The following CISD2 variants were observed in gnomAD, a reference collection of about 807,000 sequenced individuals.
The protein encoded by CISD2 is CDGSH iron sulfur domain 2, also known as CDGSH iron-sulfur domain-containing protein 2.
Under a neutral mutation model 12.9 loss-of-function variants are expected in CISD2, and 1 was observed. That is an observed-to-expected ratio of 0.08 (90% CI 0.03 to 0.37). The LOEUF (loss-of-function observed/expected upper bound fraction) is 0.37. Among genes scored for constraint, CISD2 ranks in the 10% least tolerant of loss-of-function variants. The pLI, the probability that CISD2 is intolerant of heterozygous loss-of-function variation, is 0.99. For missense variants in CISD2, 97 were observed against 163.1 expected (o/e 0.59, Z 2.21); for synonymous variants, 50 against 60.6 (o/e 0.83, Z 0.81).
intron 1 of CISD2, among the ~76,000 whole-genome samples, chr4:102,883,476 T>C (rs1733776503): frequency 6.6e-6 from 1 of 152,224 alleles, no homozygotes; most frequent in Non-Finnish European, 1.5e-5. Flanking sequence ...CATGTGGCCC[T>C]GCATTGCATA....
At position 102,891,058 on chromosome 4, in the gene CISD2, G is replaced by A. The variant is rs2110409586; in HGVS notation, c.*3628G>A. On this transcript the variant is annotated 3_prime_UTR_variant, in exon 3 of 3. Transcript: ENST00000273986. ...AAGTATGAAATCATTGATAGATCCA[G>A]AACAAGGAAATGATGTATGTGTTTA... The A allele has an allele frequency of 6.6e-6, 1 of 151,066 alleles. No individual in the cohort carries two copies. Among genetic ancestry groups the A allele is most frequent in the Non-Finnish European group, 1.5e-5 (1 of 67,986 alleles). The allele number at this position is 151,066 out of a possible 1,614,324, so 9.4% of individuals were successfully genotyped here.
rs1733852380 is a variant in CISD2 at position 102,885,316 on chromosome 4, T to C, written c.204T>C (p.Asp68=). 6.2e-7 allele frequency: 1 copy of C among 1,614,072 alleles called. No homozygotes were observed. The highest frequency in any genetic ancestry group is 8.5e-7 in the Non-Finnish European group (1 of 1,179,926). The change falls in exon 2 of 3, where the codon GAT becomes GAC. Residue 68 remains aspartate, a synonymous_variant. Coordinates refer to ENST00000273986, the MANE Select transcript of CISD2 (RefSeq NM_001008388.5). ...TCCCGAAGAAGAAACAACAGAAGGA[T>C]AGCTTGATTAATCTTAAAATACAAA... is the stretch of plus-strand genomic sequence containing the variant. ...PFLPKKKQQK[D]SLINLKIQKE... is the part of the protein sequence containing the mutation.
At chr4:102,873,353 C>A (rs1733510365) in intron 1 of CISD2, among the ~76,000 whole-genome samples, 1 of 152,062 alleles carries the variant, frequency 6.6e-6, no homozygotes, top group African/African-American at 2.4e-5. Context: ...CTCATTGCAG[C>A]CTTGACTTCA....
chr4:102,882,018 C>T (rs1375780498), intron 1 of CISD2, among the ~76,000 whole-genome samples: 1 of 151,954 alleles, frequency 6.6e-6, no homozygotes, highest in African/African-American at 2.4e-5. Flanking sequence ...ATGGTGAAAC[C>T]CCATCTCTAC....
rs1272453799 is a variant in CISD2, at chr4:102,889,098, T to G, written c.*1668T>G. On this transcript the variant is annotated 3_prime_UTR_variant, in exon 3 of 3. Transcript: ENST00000273986. ...TACATGTAATGTCAGTAGGTTCAAT[T>G]ATATGATCGTAACATCTTCATGACC... The G allele has an allele frequency of 6.6e-6, 1 of 152,232 alleles. No homozygotes were observed. 9.4% of individuals were successfully genotyped at this position (152,232 alleles called of 1,614,324 possible). A position where few individuals can be genotyped will look rare whatever the true frequency, so the allele number is the denominator to read the frequency against.
chr4:102,870,797 C>A (rs1049119979), intron 1 of CISD2, among the ~76,000 whole-genome samples: 4 of 152,058 alleles, frequency 2.6e-5, no homozygotes, highest in African/African-American at 9.7e-5. Context: ...CTCATTTTTT[C>A]CCTAACAACT....
At chr4:102,882,637 G>GTAGC (rs1733752422) in intron 1 of CISD2, 1 of 152,270 alleles carries the variant, frequency 6.6e-6, no homozygotes, top group Non-Finnish European at 1.5e-5. Flanking sequence ...GTAGTCACAT[G>GTAGC]TAGCTAGCTA....
At chr4:102,879,946 T>G (rs761814198) in intron 1 of CISD2, among the ~76,000 whole-genome samples, 1 of 152,098 alleles carries the variant, frequency 6.6e-6, no homozygotes, top group Non-Finnish European at 1.5e-5. Context: ...ATTTTTTATT[T>G]TTTTTATTTT....
intron 1 of CISD2, among the ~76,000 whole-genome samples, chr4:102,869,946 G>A (rs549373661): frequency 6.6e-6 from 1 of 152,302 alleles, no homozygotes; most frequent in South Asian, 2.1e-4. Context: ...TCTAAAGGAT[G>A]AAAATCTCCA....
chr4:102,872,193 T>G (rs1379251328), intron 1 of CISD2, among the ~76,000 whole-genome samples: 1 of 152,128 alleles, frequency 6.6e-6, no homozygotes, highest in Non-Finnish European at 1.5e-5. Flanking sequence ...CTCAGCCTCC[T>G]AAGTAGCCGG....
intron 1 of CISD2, 142 bp downstream of exon 1, chr4:102,869,329 C>T (rs1733356143): frequency 1.7e-6 from 2 of 1,154,050 alleles, no homozygotes; most frequent in Non-Finnish European, 2.5e-6. Context: ...GGTGGGCGCG[C>T]GCCGACGCAG....
At chr4:102,879,508 T>A (rs1445621351) in intron 1 of CISD2, among the ~76,000 whole-genome samples, 2 of 152,216 alleles carry the variant, frequency 1.3e-5, no homozygotes, top group South Asian at 4.1e-4. Flanking sequence ...CTTGGCCAGG[T>A]GCGGTGGCTA....
At chr4:102,883,151 C>A (rs994220657) in intron 1 of CISD2, among the ~76,000 whole-genome samples, 2 of 152,198 alleles carry the variant, frequency 1.3e-5, no homozygotes, top group Admixed American at 1.3e-4. Flanking sequence ...TACTAAATAA[C>A]TTGCCTGTGA....
chr4:102,889,004 CTA>C lies in CISD2; in HGVS notation c.*1575_*1576del, dbSNP rs1425395471. ...AGAGGTAATCCTTCTAGAAATAAAACTAATTGTTATTGGGCACTTGTATGTAC... is the reference window on the plus strand; with the variant it reads ...AGAGGTAATCCTTCTAGAAATAAAACATTGTTATTGGGCACTTGTATGTAC... On this transcript the variant is annotated 3_prime_UTR_variant, in exon 3 of 3. Transcript: ENST00000273986. 6.6e-6 allele frequency: 1 copy of C among 152,170 alleles called. No individual in the cohort carries two copies. The highest frequency in any genetic ancestry group is 1.5e-5 in the Non-Finnish European group (1 of 68,038). 9.4% of individuals were successfully genotyped at this position (152,170 alleles called of 1,614,324 possible). A position where few individuals can be genotyped will look rare whatever the true frequency, so the allele number is the denominator to read the frequency against.
In CISD2 at chr4:102,885,272, C is replaced by G; in HGVS notation, c.160C>G (p.Leu54Val). 1 of 1,614,120 alleles carries G rather than the reference C, an allele frequency of 6.2e-7. No individual in the cohort carries two copies. Among genetic ancestry groups the G allele is most frequent in the Non-Finnish European group, 8.5e-7 (1 of 1,179,998 alleles). ...FLGVLALLGY[L>V]AVRPFLPKKK... ...TGGTGTACTCGCACTTCTTGGCTAC[C>G]TTGCAGTTCGTCCATTCCTCCCGAA... The change falls in exon 2 of 3, where the codon CTT becomes GTT. Residue 54 changes from leucine (L) to valine (V), a missense_variant. Physicochemically the swap from Leu to Val is conservative, Grantham distance 32. This residue lies in a region of CISD2 where 89 missense variants were observed against 114.4 expected (regional missense o/e 0.78). Transcript: ENST00000273986.
At chr4:102,886,675 G>T (rs142155016) in intron 2 of CISD2, among the ~76,000 whole-genome samples, 1 of 152,158 alleles carries the variant, frequency 6.6e-6, no homozygotes, top group East Asian at 1.9e-4. Flanking sequence ...AAGTGTGATG[G>T]CATGATCTCA....
chr4:102,870,315 TTTAAA>T (rs1450789312), intron 1 of CISD2, among the ~76,000 whole-genome samples: 2 of 152,190 alleles, frequency 1.3e-5, no homozygotes, highest in African/African-American at 4.8e-5. Flanking sequence ...AAGATTTTTT[TTTAAA>T]TTAAAGAATG....
At position 102,885,552 on chromosome 4, in the gene CISD2, G is replaced by T. The variant is rs1008950028; in HGVS notation, c.318+122G>T. On this transcript the variant is annotated intron_variant, in intron 2 of 2. Coordinates refer to ENST00000273986, the MANE Select transcript of CISD2 (RefSeq NM_001008388.5). ...TTTTCTGTAATATTTGGTATTGAAA[G>T]ACCATATTCCTAAATTGAAGTTTTC... 20 of 771,464 alleles carry T rather than the reference G, an allele frequency of 2.6e-5. No homozygotes were observed. In the Middle Eastern group the frequency reaches 1.1e-3, roughly 41 times the overall value. 47.8% of individuals were successfully genotyped at this position (771,464 alleles called of 1,614,324 possible).
intron 1 of CISD2, among the ~76,000 whole-genome samples, chr4:102,876,919 A>C (rs924279496): frequency 6.6e-6 from 1 of 152,134 alleles, no homozygotes; most frequent in African/African-American, 2.4e-5. Context: ...TGAGGAGTGA[A>C]AGGGCAAGAG....
Sources: allele counts gnomAD v4.1 joint callset (sites outside exome capture counted in the v4.1 genomes callset), GRCh38; gene constraint gnomAD v4.1.1; regional missense constraint gnomAD v4.1.1; transcripts MANE v1.5; gene names NCBI Gene and HGNC (gene_info 2026-07-23, HGNC 2026-07-21).